Variants in COL6A2 observed in about 807,000 individuals in gnomAD.
The protein encoded by COL6A2 is collagen type VI alpha 2 chain.
A neutral mutation model predicts 124.9 loss-of-function variants in COL6A2; 90 were observed. That is an observed-to-expected ratio of 0.72 (90% confidence interval 0.61 to 0.86). The LOEUF is 0.86. COL6A2 is among the 40% of genes least tolerant of loss of function. COL6A2 has a pLI of 0.00. For missense variants in COL6A2, 1,607 were observed against 1,502.5 expected (o/e 1.07, Z -1.15); for synonymous variants, 793 against 618.2 (o/e 1.28, Z -4.19).
At position 46,122,487 on chromosome 21, in the gene COL6A2, G is replaced by A; in HGVS notation, c.1573-9G>A. 3 of 1,612,874 alleles carry A rather than the reference G, an allele frequency of 1.9e-6. No individual in the cohort carries two copies. The highest frequency in any genetic ancestry group is 2.2e-5 in the East Asian group (1 of 44,832). On this transcript the variant is annotated splice_polypyrimidine_tract_variant and intron_variant, in intron 19 of 27. Coordinates refer to ENST00000300527, the MANE Select transcript of COL6A2 (RefSeq NM_001849.4). ...GGCTGAGTCACCCTGGCTTCTGTTT[G>A]CTTCACAGGGAGAAAAAGGCGAGCC...
intron 5 of COL6A2, 31 bp downstream of exon 5, chr21:46,114,104 C>A: frequency 6.3e-7 from 1 of 1,579,134 alleles, no homozygotes; most frequent in Non-Finnish European, 8.7e-7. Context: ...GCAGGGTCTG[C>A]GCTACCAGGA....
At chr21:46,113,481 A>C (rs2078431947) in intron 4 of COL6A2, 1 of 154,168 alleles carries the variant, frequency 6.5e-6, no homozygotes, top group African/African-American at 2.4e-5. Flanking sequence ...GGCTCAAGCC[A>C]TCCTCCCACC....
In COL6A2 at chr21:46,119,069, G is replaced by A. The variant is rs772361435; in HGVS notation, c.1219G>A (p.Val407Met). ...GNSGAPGSPG[V>M]KGAKGGPGPR... ...CAGTGGAGCCCCAGGAAGTCCTGGT[G>A]TGAAAGGAGCCAAGGGCGGGCCTGG... is the stretch of plus-strand genomic sequence containing the variant. Residue 407 changes from valine (V) to methionine (M), a missense_variant, in exon 14 of 28, where the codon GTG becomes ATG. Coordinates refer to ENST00000300527, the MANE Select transcript of COL6A2 (RefSeq NM_001849.4). The A allele has an allele frequency of 1.9e-6, 3 of 1,612,280 alleles. No homozygotes were observed. The highest frequency in any genetic ancestry group is 2.5e-6 in the Non-Finnish European group (3 of 1,179,610).
At chr21:46,110,339 C>CT (rs886979781) in intron 1 of COL6A2, among the ~76,000 whole-genome samples, 98 of 150,120 alleles carry the variant, frequency 6.5e-4, no homozygotes, top group African/African-American at 9.8e-4. Flanking sequence ...CTTTTAGGGA[C>CT]TTTTTTTTTT....
At position 46,132,647 on chromosome 21, in the gene COL6A2, A is replaced by C; in HGVS notation, c.*95A>C. ...TCCCACACGGCCAGCACCGCTGCTC[A>C]CTCGGACGACGCCCTGGGCCTGCAC... On this transcript the variant is annotated 3_prime_UTR_variant, in exon 28 of 28. Coordinates refer to ENST00000300527, the MANE Select transcript of COL6A2 (RefSeq NM_001849.4). 8.0e-7 allele frequency: 1 copy of C among 1,251,834 alleles called. No homozygotes were observed. The highest frequency in any genetic ancestry group is 1.1e-6 in the Non-Finnish European group (1 of 889,926). The allele number at this position is 1,251,834 out of a possible 1,614,324, so 77.5% of individuals were successfully genotyped here. A position where few individuals can be genotyped will look rare whatever the true frequency, so the allele number is the denominator to read the frequency against.
chr21:46,129,394 T>C, intron 27 of COL6A2: 2 of 1,612,890 alleles, frequency 1.2e-6, no homozygotes, highest in Non-Finnish European at 1.7e-6. Context: ...GCCACCGGGG[T>C]AGAGCGGCAG....
At chr21:46,122,473 C>T (rs2078581809) in intron 19 of COL6A2, 23 bp from the exon 20 acceptor site, 2 of 1,612,692 alleles carry the variant, frequency 1.2e-6, no homozygotes, top group African/African-American at 2.7e-5. Flanking sequence ...GCTGAGTCAC[C>T]CTGGCTTCTG....
In COL6A2 at chr21:46,132,486, C is replaced by T. The variant is rs376362856; in HGVS notation, c.2994C>T (p.His998=). ...TGGGTGACCGCGCCGCCGTGTTCCA[C>T]GAGAAGGACTATGACAGCCTGGCGC... ...LSLGDRAAVF[H]EKDYDSLAQP... Residue 998 remains histidine, a synonymous_variant, in exon 28 of 28, where the codon CAC becomes CAT. Transcript: ENST00000300527. 3.8e-5 allele frequency: 61 copies of T among 1,607,282 alleles called. No homozygotes were observed. The Admixed American group carries it at 7.3e-4, about 19-fold the overall frequency.
chr21:46,108,103 TA>T lies in COL6A2; in HGVS notation c.-27-3346del, dbSNP rs1319075953. The stretch of plus-strand genomic sequence containing the variant: ...CTCTTTCTCTCTGTCTATATATATA[TA>T]TATTTTTTTTTCTCTTTTTTAAAAA... On this transcript the variant is annotated intron_variant, in intron 1 of 27. Transcript: ENST00000300527. Among the ~76,000 whole-genome samples, 497 of 136,504 alleles carry T rather than the reference TA, an allele frequency of 3.6e-3. 2 individuals are homozygous for T. Among genetic ancestry groups the T allele is most frequent in the Non-Finnish European group, 4.5e-3 (293 of 64,456 alleles). The allele number at this position is 136,504 out of a possible 152,430, so 89.6% of individuals were successfully genotyped here. A position where few individuals can be genotyped will look rare whatever the true frequency, so the allele number is the denominator to read the frequency against.
rs5844253 is a variant in COL6A2, at chr21:46,122,740, G to GC, written c.1609-134dup. 1,041,908 of 1,042,262 alleles carry GC rather than the reference G, an allele frequency of 1. 520,777 individuals carry two copies. The highest frequency in any genetic ancestry group is 1 in the South Asian group (74,079 of 74,084). The allele number at this position is 1,042,262 out of a possible 1,614,324, so 64.6% of individuals were successfully genotyped here. On this transcript the variant is annotated intron_variant, in intron 20 of 27. Coordinates refer to ENST00000300527, the MANE Select transcript of COL6A2 (RefSeq NM_001849.4). ...CCTTTTCAACCAAAGTTCAGGCTTT[G>GC]CAAAAAAACCACATAGATGCTCCCG...
chr21:46,109,433 C>T (rs559211086), intron 1 of COL6A2, among the ~76,000 whole-genome samples: 14 of 152,326 alleles, frequency 9.2e-5, no homozygotes, highest in Admixed American at 3.3e-4. Flanking sequence ...GTCCGTAGGA[C>T]GGGCAACCCG....
intron 11 of COL6A2, 152 bp downstream of exon 11, chr21:46,117,605 G>C (rs1183831012): frequency 2.3e-6 from 2 of 875,002 alleles, no homozygotes; most frequent in African/African-American, 3.3e-5. Context: ...CATTCTGCCG[G>C]GTCGGAGTCA....
At position 46,119,101 on chromosome 21, in the gene COL6A2, C is replaced by A. The variant is rs61735827; in HGVS notation, c.1251C>A (p.Arg417=). ...GAGCCAAGGGCGGGCCTGGGCCCCG[C>A]GGACCCAAAGGCGAGCCGGTGAGTC... is the stretch of plus-strand genomic sequence containing the variant. The part of the protein sequence containing the change: ...VKGAKGGPGP[R]GPKGEPGRRG... Residue 417 remains arginine (R), a synonymous_variant, in exon 14 of 28, where the codon CGC becomes CGA. Transcript: ENST00000300527. 3 of 1,611,946 alleles carry A rather than the reference C, an allele frequency of 1.9e-6. No individual in the cohort carries two copies. Among genetic ancestry groups the A allele is most frequent in the Non-Finnish European group, 2.5e-6 (3 of 1,179,674 alleles).
chr21:46,129,851 C>T, intron 27 of COL6A2: 1 of 1,061,182 alleles, frequency 9.4e-7, no homozygotes, highest in Non-Finnish European at 1.1e-6. Flanking sequence ...CTCACAGGCT[C>T]CAGGGTTTGG....
Position 46,125,617 on chromosome 21 carries a change from G to T in COL6A2, c.1969G>T (p.Gly657Trp). Reference sequence around the variant, plus strand: ...CGCTAAGGACCCCAAGTCCGAGACAGGTCAGCGGGGCAGGGGCGGGTGCAG... The same window carrying T: ...CGCTAAGGACCCCAAGTCCGAGACATGTCAGCGGGGCAGGGGCGGGTGCAG... ...AIAKDPKSET[G>W]TRVGVVQYSH... Residue 657 changes from glycine (G) to tryptophan (W), a missense_variant and splice_region_variant, in exon 25 of 28, where the codon GGG becomes TGG. Transcript: ENST00000300527. 1 of 1,612,676 alleles carries T rather than the reference G, an allele frequency of 6.2e-7. No homozygotes were observed. Among genetic ancestry groups the T allele is most frequent in the Non-Finnish European group, 8.5e-7 (1 of 1,179,916 alleles).
At chr21:46,106,480 T>C (rs2078336330) in intron 1 of COL6A2, among the ~76,000 whole-genome samples, 1 of 152,202 alleles carries the variant, frequency 6.6e-6, no homozygotes, top group South Asian at 2.1e-4. Context: ...AGTCCAATTG[T>C]GAATGTTGAA....
intron 1 of COL6A2, among the ~76,000 whole-genome samples, chr21:46,106,552 AC>A (rs2078336882): frequency 6.6e-6 from 1 of 152,248 alleles, no homozygotes. Flanking sequence ...GACATTTTAT[AC>A]ATTCTGTTTT....
intron 16 of COL6A2, 42 bp from the exon 17 acceptor site, chr21:46,121,019 C>T: frequency 1.3e-6 from 2 of 1,583,264 alleles, no homozygotes; most frequent in Non-Finnish European, 1.7e-6. Flanking sequence ...CAGGGTGCTG[C>T]TGTCAGTCAA....
rs983938730 is a variant in COL6A2 at position 46,112,266 on chromosome 21, G to A, written c.403G>A (p.Asp135Asn). 2.5e-6 allele frequency: 4 copies of A among 1,612,730 alleles called. No individual in the cohort carries two copies. The highest frequency in any genetic ancestry group is 2.5e-6 in the Non-Finnish European group (3 of 1,179,982). Reference protein sequence around the residue: ...ISSFRRGTFTDCALANMTEQI... With the variant: ...ISSFRRGTFTNCALANMTEQI... ...CTCCTTCCGCCGCGGCACCTTCACCGACTGCGCGCTGGCCAACATGACGGA... is the reference window on the plus strand; with the variant it reads ...CTCCTTCCGCCGCGGCACCTTCACCAACTGCGCGCTGGCCAACATGACGGA... The change falls in exon 3 of 28, where the codon GAC becomes AAC. Residue 135 changes from aspartate to asparagine, a missense_variant. Asp to Asn is a conservative substitution (Grantham distance 23, BLOSUM62 1). Around this residue, in one of 3 missense-constraint regions of COL6A2, gnomAD observed 342 missense variants for 381.5 expected, o/e 0.90. Coordinates refer to ENST00000300527, the MANE Select transcript of COL6A2 (RefSeq NM_001849.4).
Sources: gnomAD v4.1 joint callset for allele counts (sites outside exome capture counted in the v4.1 genomes callset) on GRCh38, gnomAD v4.1.1 for gene constraint, gnomAD v4.1.1 regional missense constraint, MANE v1.5 for transcripts, NCBI Gene and HGNC (gene_info 2026-07-23, HGNC 2026-07-21) for gene names.